ZNF600: variants seen among roughly 807,000 people sequenced by gnomAD.
ZNF600 encodes the protein zinc finger protein 600, also known as zinc finger protein KR-ZNF1.
Under a neutral mutation model 7.3 loss-of-function variants are expected in ZNF600, and 4 were observed. The ratio of observed to expected loss-of-function variants is 0.55; its 90% CI spans 0.27 to 1.25. ZNF600 has a LOEUF of 1.25. Ranked by LOEUF, ZNF600 falls within the 50% of genes most tolerant of loss-of-function variation. The pLI is 0.12. For missense variants in ZNF600, 911 were observed against 922.1 expected (o/e 0.99, Z 0.16); for synonymous variants, 290 against 308.9 (o/e 0.94, Z 0.64).
intron 1 of ZNF600, among the ~76,000 whole-genome samples, chr19:52,781,976 G>T (rs575975633): frequency 7.1e-6 from 1 of 140,262 alleles, no homozygotes; most frequent in Non-Finnish European, 1.5e-5. Flanking sequence ...CAGGAGAATC[G>T]CTTGACCCCG....
chr19:52,808,325 T>C, the ZNF600 span, among the ~76,000 whole-genome samples: 1 of 152,184 alleles, frequency 6.6e-6, no homozygotes, highest in East Asian at 1.9e-4. Context: ...AGTATGAAAT[T>C]CCTAAGTTTG....
At chr19:52,833,601 T>C in the ZNF600 span, among the ~76,000 whole-genome samples, 8 of 152,148 alleles carry the variant, frequency 5.3e-5, no homozygotes, top group Non-Finnish European at 7.4e-5. Flanking sequence ...TGCTTCCTCA[T>C]GTAACATGAG....
exon 4 of ZNF600, chr19:52,766,243 T>C (rs777420200): frequency 2.5e-6 from 4 of 1,614,096 alleles, no homozygotes; most frequent in Non-Finnish European, 3.4e-6. Flanking sequence ...CGGAAGGTCT[T>C]GCTGCACTCA....
chr19:52,807,942 C>G, the ZNF600 span: 1 of 1,607,786 alleles, frequency 6.2e-7, no homozygotes, highest in Non-Finnish European at 8.5e-7. Flanking sequence ...GGATGTGGCT[C>G]CCAAGAGGCA....
exon 4 of ZNF600, chr19:52,766,148 A>C (rs763077079): frequency 1.2e-6 from 2 of 1,614,074 alleles, no homozygotes; most frequent in East Asian, 4.5e-5. Context: ...ATGACCTCTG[A>C]CTGAAGGTCT....
chr19:52,829,597 C>G, the ZNF600 span, among the ~76,000 whole-genome samples: 13 of 151,922 alleles, frequency 8.6e-5, no homozygotes, highest in South Asian at 4.1e-4. Flanking sequence ...TGGTCTCGAA[C>G]TCCTGACCTC....
At chr19:52,805,156 G>C in the ZNF600 span, 4 of 152,150 alleles carry the variant, frequency 2.6e-5, no homozygotes, top group Admixed American at 1.3e-4. Flanking sequence ...TGTAGTCCCA[G>C]CTACTTGGAA....
At chr19:52,790,237 G>A (rs572431967), upstream of ZNF600, among the ~76,000 whole-genome samples, 95 of 152,300 alleles carry the variant, frequency 6.2e-4, no homozygotes, top group African/African-American at 2.1e-3. Flanking sequence ...TGTGCCCCAC[G>A]CCTTTAATTC....
the ZNF600 span, chr19:52,798,949 A>G: frequency 1.8e-5 from 25 of 1,404,116 alleles, no homozygotes; most frequent in Non-Finnish European, 2.4e-5. Flanking sequence ...GTTTCTCTCC[A>G]GTGTGAATTC....
chr19:52,775,631 A>T (rs1304662406), intron 2 of ZNF600, among the ~76,000 whole-genome samples: 24 of 152,314 alleles, frequency 1.6e-4, no homozygotes, highest in Middle Eastern at 3.4e-3. Flanking sequence ...AGGTGATATT[A>T]AGTCTCTAGA....
At chr19:52,802,755 T>C in the ZNF600 span, among the ~76,000 whole-genome samples, 138 of 138,158 alleles carry the variant, frequency 1.0e-3, no homozygotes, top group African/African-American at 3.6e-3. Flanking sequence ...AACAGGCACG[T>C]TGTGACTTTT....
At chr19:52,816,520 T>C in the ZNF600 span, among the ~76,000 whole-genome samples, 93 of 145,158 alleles carry the variant, frequency 6.4e-4, 13 homozygotes, top group Middle Eastern at 3.4e-3. Flanking sequence ...AAAAATTAGC[T>C]AGGCATGGTG....
chr19:52,801,581 C>A, the ZNF600 span: 1 of 1,614,012 alleles, frequency 6.2e-7, no homozygotes, highest in African/African-American at 1.3e-5. Flanking sequence ...TCTCAATTTT[C>A]TGGAAGCAAA....
chr19:52,799,351 T>C, the ZNF600 span: 3 of 542,806 alleles, frequency 5.5e-6, no homozygotes, highest in African/African-American at 1.9e-5. Flanking sequence ...ACCTTACATC[T>C]GTGTGGTTTC....
chr19:52,814,850 G>A, the ZNF600 span, among the ~76,000 whole-genome samples: 1 of 146,508 alleles, frequency 6.8e-6, no homozygotes, highest in African/African-American at 2.6e-5. Context: ...TCACACCACT[G>A]CGCTCCAGCC....
chr19:52,817,925 A>G, the ZNF600 span: 8 of 1,609,950 alleles, frequency 5.0e-6, no homozygotes, highest in Admixed American at 1.3e-4. Context: ...AGAGCAATCC[A>G]CCGAGAATAC....
At chr19:52,811,501 G>A in the ZNF600 span, among the ~76,000 whole-genome samples, 14 of 148,614 alleles carry the variant, frequency 9.4e-5, no homozygotes, top group East Asian at 2.0e-4. Flanking sequence ...GTCTCTGCCC[G>A]GCCGCCCATC....
At chr19:52,769,139 C>T (rs1179186360) in intron 3 of ZNF600, among the ~76,000 whole-genome samples, 7 of 152,208 alleles carry the variant, frequency 4.6e-5, no homozygotes. Flanking sequence ...AGGAACAACA[C>T]CCGCCACTTA....
At chr19:52,804,071 G>A in the ZNF600 span, among the ~76,000 whole-genome samples, 2 of 152,150 alleles carry the variant, frequency 1.3e-5, no homozygotes, top group African/African-American at 4.8e-5. Context: ...CATGGGTGTC[G>A]ACTACTCATG....
Sources: gnomAD v4.1 joint callset for allele counts (sites outside exome capture counted in the v4.1 genomes callset) on GRCh38, gnomAD v4.1.1 for gene constraint, MANE v1.5 for transcripts, NCBI Gene and HGNC (gene_info 2026-07-23, HGNC 2026-07-21) for gene names.